WNT6: variants seen among roughly 807,000 people sequenced by gnomAD.
WNT6 encodes protein Wnt-6.
In WNT6, 27 loss-of-function variants were observed where a neutral mutation model predicts 33.1. That is an observed-to-expected ratio of 0.82 (90% confidence interval 0.60 to 1.12). The LOEUF (loss-of-function observed/expected upper bound fraction) is 1.12, where lower values mean the gene tolerates loss of function less well. Ranked by LOEUF, WNT6 falls within the 50% of genes most tolerant of loss-of-function variation. WNT6 has a pLI of 0.00. For missense variants in WNT6, 494 were observed against 535.3 expected (o/e 0.92, Z 0.76); for synonymous variants, 249 against 242.8 (o/e 1.03, Z -0.24).
At position 218,860,073 on chromosome 2, in the gene WNT6, G is replaced by A. The variant is rs990405311; in HGVS notation, c.36G>A (p.Leu12=). 1.8e-5 allele frequency: 27 copies of A among 1,525,386 alleles called. No homozygotes were observed. Among genetic ancestry groups the A allele is most frequent in the Non-Finnish European group, 2.4e-5 (27 of 1,141,700 alleles). 94.5% of individuals were successfully genotyped at this position (1,525,386 alleles called of 1,614,324 possible). The change falls in exon 1 of 4, where the codon CTG becomes CTA. Residue 12 remains leucine (L), a synonymous_variant. Transcript: ENST00000233948. ...CCTTACCCTCCCGCCTCGGGCTGCT[G>A]CTGCTGCTGCTCCTGTGCCCGGCGC... The part of the protein sequence containing the change: ...LPPLPSRLGL[L]LLLLLCPAHV...
intron 1 of WNT6, 101 bp downstream of exon 1, chr2:218,860,218 T>A: frequency 8.7e-7 from 1 of 1,150,920 alleles, no homozygotes. Context: ...CTCTACCTGC[T>A]CTCCGAGCCC....
intron 1 of WNT6, among the ~76,000 whole-genome samples, chr2:218,869,769 C>T (rs1944385007): frequency 6.6e-6 from 1 of 152,208 alleles, no homozygotes; most frequent in Admixed American, 6.5e-5. Flanking sequence ...TCAGCTCTCT[C>T]CTTGGGCAGA....
At chr2:218,863,509 C>G (rs1452525001) in intron 1 of WNT6, among the ~76,000 whole-genome samples, 2 of 152,196 alleles carry the variant, frequency 1.3e-5, no homozygotes, top group African/African-American at 4.8e-5. Flanking sequence ...CTCCCACCTT[C>G]TTTTTCACTT....
chr2:218,864,756 C>T (rs1174569648), intron 1 of WNT6, among the ~76,000 whole-genome samples: 1 of 152,202 alleles, frequency 6.6e-6, no homozygotes, highest in Non-Finnish European at 1.5e-5. Flanking sequence ...ACGACCCTGG[C>T]TTCTTTGTGG....
At chr2:218,871,000 C>A in intron 1 of WNT6, 27 bp from the exon 2 acceptor site, 2 of 1,574,592 alleles carry the variant, frequency 1.3e-6, no homozygotes, top group Non-Finnish European at 8.7e-7. Context: ...GGGTTACACC[C>A]CTGACCTGCT....
At position 218,873,894 on chromosome 2, in the gene WNT6, T is replaced by C. The variant is rs1237978067; in HGVS notation, c.*49T>C. 5.7e-6 allele frequency: 8 copies of C among 1,397,246 alleles called. No individual in the cohort carries two copies. In the African/African-American group the frequency reaches 7.6e-5, roughly 13 times the overall value. 86.6% of individuals were successfully genotyped at this position (1,397,246 alleles called of 1,614,324 possible). The stretch of plus-strand genomic sequence containing the variant: ...ACTTCGCGCAGCGGTGGCTCGCACC[T>C]GTGGGACCTCAGGGCACCGGCACCG... On this transcript the variant is annotated 3_prime_UTR_variant, in exon 4 of 4. Transcript: ENST00000233948. This position sits in a 1 kb window ranked among gnomAD's most constrained non-coding sequence, Gnocchi z 6.1.
In WNT6 at chr2:218,867,808, G is replaced by A. The variant is rs1944365309; in HGVS notation, c.81-3219G>A. On this transcript the variant is annotated intron_variant, in intron 1 of 3. Transcript: ENST00000233948. This position sits in a 1 kb window ranked among gnomAD's most constrained non-coding sequence, Gnocchi z 4.9. ...ATAAAGCGAGGAAGGTGAAAGGTGA[G>A]TGGGGATGGGGGAGTTATTACTTGA... Among the ~76,000 whole-genome samples, 1 of 152,224 alleles carries A rather than the reference G, an allele frequency of 6.6e-6. No homozygotes were observed. Among genetic ancestry groups the A allele is most frequent in the Admixed American group, 6.5e-5 (1 of 15,282 alleles).
intron 1 of WNT6, among the ~76,000 whole-genome samples, chr2:218,865,891 G>C (rs1280279602): frequency 6.9e-6 from 1 of 145,058 alleles, no homozygotes; most frequent in African/African-American, 2.5e-5. Context: ...AGGGCAGAGG[G>C]AACCAAGTTG....
chr2:218,872,554 A>G (rs544379953), intron 3 of WNT6, among the ~76,000 whole-genome samples: 44 of 152,204 alleles, frequency 2.9e-4, no homozygotes, highest in Non-Finnish European at 5.4e-4. Context: ...TCTGGGTGTG[A>G]TGGTTCCAGG....
intron 1 of WNT6, among the ~76,000 whole-genome samples, chr2:218,862,812 C>A (rs1027172657): frequency 5.9e-5 from 9 of 152,180 alleles, no homozygotes; most frequent in Non-Finnish European, 1.2e-4. Context: ...TCAAATGATT[C>A]TCCTGCCTCA....
In WNT6 at chr2:218,859,842, G is replaced by T. The variant is rs1944288992; in HGVS notation, c.-196G>T. ...GAGCTCCGCAGGAGACACAGGCGCT[G>T]GCTGCCCCGTCCGCTCTCCGCCTCC... is the stretch of plus-strand genomic sequence containing the variant. On this transcript the variant is annotated 5_prime_UTR_variant, in exon 1 of 4. Coordinates refer to ENST00000233948, the MANE Select transcript of WNT6 (RefSeq NM_006522.4). 1 of 190,120 alleles carries T rather than the reference G, an allele frequency of 5.3e-6. No individual in the cohort carries two copies. Among genetic ancestry groups the T allele is most frequent in the South Asian group, 1.6e-4 (1 of 6,086 alleles). The allele number at this position is 190,120 out of a possible 1,614,324, so 11.8% of individuals were successfully genotyped here.
At chr2:218,866,228 G>A (rs909843139) in intron 1 of WNT6, among the ~76,000 whole-genome samples, 5 of 152,168 alleles carry the variant, frequency 3.3e-5, no homozygotes, top group Admixed American at 3.3e-4. Context: ...GTCAGTGTGG[G>A]GACCTTGGGA....
chr2:218,870,892 C>A lies in WNT6; in HGVS notation c.81-135C>A, dbSNP rs1449913733. On this transcript the variant is annotated intron_variant, in intron 1 of 3. Coordinates refer to ENST00000233948, the MANE Select transcript of WNT6 (RefSeq NM_006522.4). ...GCAGGAGAGCCAGACAGGACAATCTCAAGCTCAGTTTGGAGGTAGGGTGGG... is the reference window on the plus strand; with the variant it reads ...GCAGGAGAGCCAGACAGGACAATCTAAAGCTCAGTTTGGAGGTAGGGTGGG... 3.9e-6 allele frequency: 3 copies of A among 776,732 alleles called. No individual in the cohort carries two copies. In the Admixed American group the frequency reaches 7.8e-5, roughly 20 times the overall value. 48.1% of individuals were successfully genotyped at this position (776,732 alleles called of 1,614,324 possible).
At chr2:218,860,308 C>T (rs1184827243) in intron 1 of WNT6, among the ~76,000 whole-genome samples, 191 bp downstream of exon 1, 1 of 152,194 alleles carries the variant, frequency 6.6e-6, no homozygotes, top group Non-Finnish European at 1.5e-5. Context: ...ATTGTGTTTC[C>T]TCCTCCCGGG....
At chr2:218,863,858 A>C (rs984086941) in intron 1 of WNT6, among the ~76,000 whole-genome samples, 5 of 152,034 alleles carry the variant, frequency 3.3e-5, no homozygotes, top group Admixed American at 3.3e-4. Flanking sequence ...TCAATCAATC[A>C]ATCAATAAAA....
rs1944423360 is a variant in WNT6 at position 218,873,479 on chromosome 2, C to T, written c.732C>T (p.Arg244=). ...RTCWQKLPPF[R]EVGARLLERF... ...GCTGGCAGAAGCTGCCTCCATTTCG[C>T]GAGGTGGGCGCGCGGCTGCTGGAGC... The change falls in exon 4 of 4, where the codon CGC becomes CGT. Residue 244 remains arginine (R), a synonymous_variant. Transcript: ENST00000233948. This position sits in a 1 kb window ranked among gnomAD's most constrained non-coding sequence, Gnocchi z 6.1. 5.8e-6 allele frequency: 9 copies of T among 1,538,900 alleles called. No individual in the cohort carries two copies. The highest frequency in any genetic ancestry group is 1.4e-5 in the African/African-American group (1 of 73,022).
intron 3 of WNT6, among the ~76,000 whole-genome samples, chr2:218,872,813 C>T (rs1305290149): frequency 6.6e-6 from 1 of 152,134 alleles, no homozygotes; most frequent in African/African-American, 2.4e-5. Context: ...GGGACATCGC[C>T]ATACATACCG....
In WNT6 at chr2:218,867,235, T is replaced by C. The variant is rs1021601343; in HGVS notation, c.81-3792T>C. 1.3e-5 allele frequency among the ~76,000 whole-genome samples: 2 copies of C among 152,204 alleles called. No homozygotes were observed. The highest frequency in any genetic ancestry group is 4.8e-5 in the African/African-American group (2 of 41,444). ...TTTGAAATATTCATCTACTGTGTCT[T>C]GCAATAGGGATCCCTCCACCAGTGG... On this transcript the variant is annotated intron_variant, in intron 1 of 3. Transcript: ENST00000233948. This position sits in a 1 kb window ranked among gnomAD's most constrained non-coding sequence, Gnocchi z 4.9.
At chr2:218,860,714 TG>T (rs1944300516) in intron 1 of WNT6, among the ~76,000 whole-genome samples, 1 of 151,924 alleles carries the variant, frequency 6.6e-6, no homozygotes, top group Admixed American at 6.6e-5. Flanking sequence ...CTTCCAGACC[TG>T]GGGGTCATGA....
Sources: allele counts gnomAD v4.1 joint callset (sites outside exome capture counted in the v4.1 genomes callset), GRCh38; gene constraint gnomAD v4.1.1; non-coding constraint Gnocchi (gnomAD v3.1); transcripts MANE v1.5; gene names NCBI Gene and HGNC (gene_info 2026-07-23, HGNC 2026-07-21).